DMBX1: variants seen among roughly 807,000 people sequenced by gnomAD.
DMBX1 encodes the protein diencephalon/mesencephalon homeobox 1, also known as diencephalon/mesencephalon homeobox protein 1.
DMBX1 carries 7 observed loss-of-function variants against 30.4 expected under a neutral mutation model. The ratio of observed to expected loss-of-function variants is 0.23; its 90% confidence interval spans 0.13 to 0.43. DMBX1 has a LOEUF of 0.43. Ranked by LOEUF, DMBX1 falls within the 20% of genes least tolerant of loss-of-function variation. DMBX1 has a pLI of 1.00. For synonymous variants in DMBX1, 222 were observed against 214.2 expected, an observed-to-expected ratio of 1.04 and a Z score of -0.32; for missense variants, 460 against 508.5, an observed-to-expected ratio of 0.90 and a Z score of 0.92.
Position 46,510,729 on chromosome 1 carries a change from A to G in DMBX1, c.333+75A>G. On this transcript the variant is annotated intron_variant, in intron 4 of 5. Coordinates refer to ENST00000360032, the MANE Select transcript of DMBX1 (RefSeq NM_172225.2). The surrounding 1 kb of genome is among the most constrained non-coding windows in gnomAD (Gnocchi z 4.1). ...CAGTCTGCCCGCTTGTCCAGGAGCC[A>G]GCATGTCATCCCTGTGCCAAGGTGC... 1.3e-6 allele frequency: 2 copies of G among 1,527,694 alleles called. No individual in the cohort carries two copies. 94.6% of individuals were successfully genotyped at this position (1,527,694 alleles called of 1,614,324 possible).
intron 2 of DMBX1, among the ~76,000 whole-genome samples, chr1:46,505,786 A>C (rs901175291): frequency 7.7e-5 from 5 of 64,602 alleles, no homozygotes; most frequent in Admixed American, 1.8e-4. Context: ...ACTTCTACTT[A>C]AAAAAAAAAA....
At chr1:46,496,092 T>A (rs1666019693) in intron 2 of DMBX1, among the ~76,000 whole-genome samples, 1 of 152,180 alleles carries the variant, frequency 6.6e-6, no homozygotes, top group Admixed American at 6.5e-5. Flanking sequence ...AAGAGGCTGA[T>A]CCCTGGGCTT....
In DMBX1 at chr1:46,497,600, G is replaced by T. The variant is rs74227916; in HGVS notation, c.-13+6817G>T. On this transcript the variant is annotated intron_variant, in intron 2 of 5. Transcript: ENST00000360032. ...CTGAGCAGGGTGTGACCCAAGGAAA[G>T]GTCCACTTTCTTTTTAATCAAAGAC... Among the ~76,000 whole-genome samples, 494 of 152,274 alleles carry T rather than the reference G, an allele frequency of 3.2e-3. 3 individuals are homozygous for T. The highest frequency in any genetic ancestry group is 0.011 in the East Asian group (56 of 5,180).
At position 46,491,802 on chromosome 1, in the gene DMBX1, G is replaced by T. The variant is rs1372527087; in HGVS notation, c.-13+1019G>T. ...CACATCCCTGGTTCTCCCCTCGAAT[G>T]GAAAGGCACTCTGGCCTAAGGACGA... On this transcript the variant is annotated intron_variant, in intron 2 of 5. Coordinates refer to ENST00000360032, the MANE Select transcript of DMBX1 (RefSeq NM_172225.2). This position sits in a 1 kb window ranked among gnomAD's most constrained non-coding sequence, Gnocchi z 5.5. Among the ~76,000 whole-genome samples the T allele has an allele frequency of 6.6e-6, 1 of 151,992 alleles. No homozygotes were observed. The highest frequency in any genetic ancestry group is 2.4e-5 in the African/African-American group (1 of 41,410).
chr1:46,509,535 A>G (rs145810780), intron 3 of DMBX1, among the ~76,000 whole-genome samples: 2 of 152,272 alleles, frequency 1.3e-5, no homozygotes, highest in East Asian at 1.9e-4. Flanking sequence ...GTTACTGTCT[A>G]TCCTTCAGGG....
At chr1:46,501,230 C>CCT (rs1557786056) in intron 2 of DMBX1, among the ~76,000 whole-genome samples, 1 of 116,152 alleles carries the variant, frequency 8.6e-6, no homozygotes, top group Non-Finnish European at 1.7e-5. Context: ...TTCTTTCTTT[C>CCT]TTTCTTTCTT....
chr1:46,508,988 G>T (rs1398434799), intron 3 of DMBX1, among the ~76,000 whole-genome samples: 1 of 152,134 alleles, frequency 6.6e-6, no homozygotes, highest in Non-Finnish European at 1.5e-5. Flanking sequence ...GTCTGTGAGG[G>T]GTTCAGGACT....
At chr1:46,499,892 A>G (rs1666091552) in intron 2 of DMBX1, among the ~76,000 whole-genome samples, 2 of 152,234 alleles carry the variant, frequency 1.3e-5, no homozygotes, top group African/African-American at 2.4e-5. Context: ...TCAGTACATT[A>G]TAGCTAGTAC....
chr1:46,507,695 T>C (rs1290817922), intron 3 of DMBX1, among the ~76,000 whole-genome samples: 2 of 152,158 alleles, frequency 1.3e-5, no homozygotes, highest in Non-Finnish European at 2.9e-5. Flanking sequence ...AAACGGAGGC[T>C]CAGAGAGGCT....
chr1:46,490,041 G>A (rs1665901158), intron 1 of DMBX1, among the ~76,000 whole-genome samples, 164 bp downstream of exon 1: 1 of 152,218 alleles, frequency 6.6e-6, no homozygotes, highest in Non-Finnish European at 1.5e-5. Flanking sequence ...CAGGGACTAG[G>A]AGACAGACAG....
In DMBX1 at chr1:46,507,094, C is replaced by A; in HGVS notation, c.84C>A (p.Ala28=). Residue 28 remains alanine (A), a synonymous_variant, in exon 3 of 6, where the codon GCC becomes GCA. Transcript: ENST00000360032. ...SAMYNLHQQA[A]QQAQHAPDYR... ...TGTACAACCTGCACCAGCAGGCAGCCCAGCAGGCCCAGCATGCCCCCGACT... is the reference window on the plus strand; with the variant it reads ...TGTACAACCTGCACCAGCAGGCAGCACAGCAGGCCCAGCATGCCCCCGACT... 1 of 1,614,238 alleles carries A rather than the reference C, an allele frequency of 6.2e-7. No individual in the cohort carries two copies. Among genetic ancestry groups the A allele is most frequent in the African/African-American group, 1.3e-5 (1 of 75,066 alleles).
Position 46,512,251 on chromosome 1 carries a change from G to A in DMBX1, c.891G>A (p.Val297=), listed in dbSNP as rs781345630. 1.9e-6 allele frequency: 3 copies of A among 1,613,626 alleles called. No homozygotes were observed. The highest frequency in any genetic ancestry group is 2.2e-5 in the South Asian group (2 of 91,082). Reference sequence around the variant, plus strand: ...CTGCTGCAGCGGCGGCTGCTGCTGTGCCCTACCTGGGCGTCAACATGGCCC... The same window carrying A: ...CTGCTGCAGCGGCGGCTGCTGCTGTACCCTACCTGGGCGTCAACATGGCCC... ...APAAAAAAAA[V]PYLGVNMAPL... is the part of the protein sequence containing the mutation. The change falls in exon 6 of 6, where the codon GTG becomes GTA. Residue 297 remains valine, a synonymous_variant. Transcript: ENST00000360032. The surrounding 1 kb of genome is among the most constrained non-coding windows in gnomAD (Gnocchi z 4.8).
rs1167896348 is a variant in DMBX1, at chr1:46,493,663, G to C, written c.-13+2880G>C. 6.6e-6 allele frequency among the ~76,000 whole-genome samples: 1 copy of C among 152,246 alleles called. No homozygotes were observed. The highest frequency in any genetic ancestry group is 2.4e-5 in the African/African-American group (1 of 41,462). On this transcript the variant is annotated intron_variant, in intron 2 of 5. Coordinates refer to ENST00000360032, the MANE Select transcript of DMBX1 (RefSeq NM_172225.2). The surrounding 1 kb of genome is among the most constrained non-coding windows in gnomAD (Gnocchi z 4.1). The stretch of plus-strand genomic sequence containing the variant: ...CTGGTCTACAGCCACTGTGGGCGCT[G>C]CTTCCATGAGCCCCGAGGCCACTGG...
At chr1:46,507,476 C>G (rs1202501576) in intron 3 of DMBX1, among the ~76,000 whole-genome samples, 1 of 152,162 alleles carries the variant, frequency 6.6e-6, no homozygotes, top group Non-Finnish European at 1.5e-5. Context: ...GGGTAAGGGA[C>G]TAGTCCAGAG....
intron 2 of DMBX1, among the ~76,000 whole-genome samples, chr1:46,506,793 T>C (rs1666243414): frequency 6.6e-6 from 1 of 151,854 alleles, no homozygotes; most frequent in East Asian, 1.9e-4. Flanking sequence ...CCCTGCCGAG[T>C]GAATCGATGA....
At position 46,510,658 on chromosome 1, in the gene DMBX1, G is replaced by C. The variant is rs1355688148; in HGVS notation, c.333+4G>C. 1.9e-6 allele frequency: 3 copies of C among 1,612,996 alleles called. No individual in the cohort carries two copies. Reference sequence around the variant, plus strand: ...CCTGCCTGAGGCCCGGGTGCAGGTAGGGCCCAACTCTCCTAACTAGGCCTT... The same window carrying C: ...CCTGCCTGAGGCCCGGGTGCAGGTACGGCCCAACTCTCCTAACTAGGCCTT... On this transcript the variant is annotated splice_donor_region_variant and intron_variant, in intron 4 of 5. Coordinates refer to ENST00000360032, the MANE Select transcript of DMBX1 (RefSeq NM_172225.2). The surrounding 1 kb of genome is among the most constrained non-coding windows in gnomAD (Gnocchi z 4.1).
rs998662624 is a variant in DMBX1 at position 46,490,780 on chromosome 1, TC to T, written c.-15del. Reference sequence around the variant, plus strand: ...AGACGCGGCCTTGGTCTAGGAACCTTCAGGTGGGTGTTTGGGGCGCAGTGGC... The same window carrying T: ...AGACGCGGCCTTGGTCTAGGAACCTTAGGTGGGTGTTTGGGGCGCAGTGGC... On this transcript the variant is annotated splice_region_variant and 5_prime_UTR_variant, in exon 2 of 6. Coordinates refer to ENST00000360032, the MANE Select transcript of DMBX1 (RefSeq NM_172225.2). 7.9e-5 allele frequency among the ~76,000 whole-genome samples: 12 copies of T among 152,238 alleles called. No individual in the cohort carries two copies. The highest frequency in any genetic ancestry group is 1.5e-4 in the Non-Finnish European group (10 of 68,044).
In DMBX1 at chr1:46,510,370, G is replaced by A; in HGVS notation, c.155-106G>A. The A allele has an allele frequency of 1.4e-6, 2 of 1,388,538 alleles. No homozygotes were observed. The highest frequency in any genetic ancestry group is 1.9e-6 in the Non-Finnish European group (2 of 1,039,722). The allele number at this position is 1,388,538 out of a possible 1,614,324, so 86.0% of individuals were successfully genotyped here. ...TAAGGGACCAGGGCCAGCTCTGGCAGCAGCCTGGGTGTCCACAGTGGGTCA... is the reference window on the plus strand; with the variant it reads ...TAAGGGACCAGGGCCAGCTCTGGCAACAGCCTGGGTGTCCACAGTGGGTCA... On this transcript the variant is annotated intron_variant, in intron 3 of 5. Transcript: ENST00000360032. This position sits in a 1 kb window ranked among gnomAD's most constrained non-coding sequence, Gnocchi z 4.1.
chr1:46,498,135 G>A (rs1666059375), intron 2 of DMBX1, among the ~76,000 whole-genome samples: 1 of 152,146 alleles, frequency 6.6e-6, no homozygotes, highest in Non-Finnish European at 1.5e-5. Context: ...CTGCAGCTGG[G>A]CCTGGCTGAA....
Sources: allele counts gnomAD v4.1 joint callset (sites outside exome capture counted in the v4.1 genomes callset), GRCh38; gene constraint gnomAD v4.1.1; non-coding constraint Gnocchi (gnomAD v3.1); transcripts MANE v1.5; gene names NCBI Gene and HGNC (gene_info 2026-07-23, HGNC 2026-07-21).